Variants in TRAP1 observed in about 807,000 individuals in gnomAD.
TRAP1 encodes TNF receptor associated protein 1, also known as heat shock protein 75 kDa, mitochondrial.
Under a neutral mutation model 89.1 loss-of-function variants are expected in TRAP1, and 102 were observed. The observed-to-expected ratio is 1.15, with a 90% confidence interval of 0.98 to 1.35. TRAP1 has a LOEUF of 1.35. TRAP1 is among the 40% of genes most tolerant of loss of function. TRAP1 has a pLI of 0.00. For missense variants in TRAP1, 1,256 were observed against 945.3 expected (o/e 1.33, Z -4.31); for synonymous variants, 508 against 388.0 (o/e 1.31, Z -3.64).
intron 16 of TRAP1, 104 bp downstream of exon 16, chr16:3,661,883 G>C (rs2043096776): frequency 7.2e-7 from 1 of 1,393,900 alleles, no homozygotes; most frequent in Non-Finnish European, 9.5e-7. Context: ...ATGTCCACAG[G>C]CCTCACGCAC....
At chr16:3,671,471 T>C (rs1351996074) in intron 11 of TRAP1, among the ~76,000 whole-genome samples, 4 of 152,152 alleles carry the variant, frequency 2.6e-5, no homozygotes, top group African/African-American at 9.7e-5. Context: ...CAGGTCTGGC[T>C]CTGCGGCCCC....
At chr16:3,702,057 A>G (rs2051372714) in intron 1 of TRAP1, among the ~76,000 whole-genome samples, 1 of 152,052 alleles carries the variant, frequency 6.6e-6, no homozygotes, top group South Asian at 2.1e-4. Flanking sequence ...AAAATACAAA[A>G]ATTAGCTGGG....
At chr16:3,700,311 G>T (rs1444352165) in intron 1 of TRAP1, among the ~76,000 whole-genome samples, 1 of 150,378 alleles carries the variant, frequency 6.6e-6, no homozygotes, top group Non-Finnish European at 1.5e-5. Flanking sequence ...GAGATTACAG[G>T]CATGTGCCAC....
At chr16:3,676,320 G>A (rs1478303809) in intron 6 of TRAP1, 175 bp from the exon 7 acceptor site, 1 of 310,584 alleles carries the variant, frequency 3.2e-6, no homozygotes, top group Non-Finnish European at 5.8e-6. Flanking sequence ...TGCCCATCAG[G>A]AACGATGAGC....
chr16:3,700,798 C>G (rs1290941523), intron 1 of TRAP1, among the ~76,000 whole-genome samples: 2 of 151,754 alleles, frequency 1.3e-5, no homozygotes, highest in Non-Finnish European at 2.9e-5. Context: ...AGAGTAACCA[C>G]TAAAATAATA....
At chr16:3,701,812 A>G (rs1445000920) in intron 1 of TRAP1, among the ~76,000 whole-genome samples, 2 of 152,230 alleles carry the variant, frequency 1.3e-5, no homozygotes, top group African/African-American at 2.4e-5. Flanking sequence ...TTATGAAGAC[A>G]GCAGGTGCTC....
chr16:3,676,963 C>A (rs142944555), intron 6 of TRAP1: 1,966 of 154,846 alleles, frequency 0.013, 11 homozygotes, highest in Non-Finnish European at 0.017. Flanking sequence ...CTGAGGCAGG[C>A]CAATTGCTTG....
intron 4 of TRAP1, among the ~76,000 whole-genome samples, chr16:3,684,534 GTAATC>G (rs751046822): frequency 2.2e-4 from 34 of 152,128 alleles, no homozygotes; most frequent in Non-Finnish European, 3.8e-4. Context: ...GCTCATGCCT[GTAATC>G]TAACACTTGG....
At chr16:3,705,882 G>A (rs1028433847) in intron 1 of TRAP1, among the ~76,000 whole-genome samples, 11 of 151,576 alleles carry the variant, frequency 7.3e-5, no homozygotes, top group African/African-American at 2.4e-4. Flanking sequence ...TAGTAGAGAC[G>A]GGGTTTCTCC....
At chr16:3,700,603 C>T (rs1397645939) in intron 1 of TRAP1, among the ~76,000 whole-genome samples, 1 of 151,924 alleles carries the variant, frequency 6.6e-6, no homozygotes, top group Non-Finnish European at 1.5e-5. Flanking sequence ...GTAGCTGGGA[C>T]TACAGATGCA....
chr16:3,677,342 A>G (rs1415045160), intron 6 of TRAP1, among the ~76,000 whole-genome samples, 156 bp downstream of exon 6: 1 of 152,184 alleles, frequency 6.6e-6, no homozygotes, highest in Non-Finnish European at 1.5e-5. Flanking sequence ...CTGGAGCCAC[A>G]AAAGTCACTA....
chr16:3,674,853 G>T, intron 8 of TRAP1: 1 of 358,682 alleles, frequency 2.8e-6, no homozygotes, highest in Non-Finnish European at 5.2e-6. Flanking sequence ...GCCGCGAGGG[G>T]GAAGTCAGTC....
chr16:3,686,171 A>C (rs969163805), intron 3 of TRAP1, 35 bp from the exon 4 acceptor site: 1 of 1,609,414 alleles, frequency 6.2e-7, no homozygotes, highest in African/African-American at 1.3e-5. Context: ...CAGACAATGA[A>C]GGACACTCAT....
At chr16:3,698,054 G>A (rs541592599) in intron 1 of TRAP1, among the ~76,000 whole-genome samples, 15 of 151,824 alleles carry the variant, frequency 9.9e-5, no homozygotes, top group South Asian at 2.1e-4. Context: ...CTCGTGATCC[G>A]TCTGCCTCAG....
At chr16:3,707,845 G>T (rs188335951) in intron 1 of TRAP1, among the ~76,000 whole-genome samples, 2 of 131,988 alleles carry the variant, frequency 1.5e-5, no homozygotes, top group African/African-American at 3.0e-5. Flanking sequence ...CAGACAGAGC[G>T]AGACTCTAAC....
chr16:3,710,809 G>A (rs774769781), intron 1 of TRAP1, among the ~76,000 whole-genome samples: 2 of 150,440 alleles, frequency 1.3e-5, no homozygotes, highest in African/African-American at 4.9e-5. Context: ...TCTTAATATG[G>A]CATTTAATTT....
At chr16:3,662,374 G>A (rs1262279739) in intron 15 of TRAP1, 5 of 591,898 alleles carry the variant, frequency 8.4e-6, no homozygotes, top group East Asian at 5.7e-5. Context: ...GCTGCCTCCA[G>A]GAGCTGCCCG....
intron 4 of TRAP1, among the ~76,000 whole-genome samples, chr16:3,682,190 T>C (rs1390382367): frequency 1.3e-5 from 2 of 151,946 alleles, no homozygotes; most frequent in African/African-American, 2.4e-5. Flanking sequence ...CCTCACACCA[T>C]ACACAAAAAT....
chr16:3,663,120 CAA>C (rs2043177029), intron 14 of TRAP1, 153 bp from the exon 15 acceptor site: 2 of 694,214 alleles, frequency 2.9e-6, no homozygotes, highest in African/African-American at 1.8e-5. Context: ...AGTAAAACCT[CAA>C]AGGATGCTTC....
Sources: gnomAD v4.1 joint callset for allele counts (sites outside exome capture counted in the v4.1 genomes callset) on GRCh38, gnomAD v4.1.1 for gene constraint, MANE v1.5 for transcripts, NCBI Gene and HGNC (gene_info 2026-07-23, HGNC 2026-07-21) for gene names.